Variants in MYO3A observed in about 807,000 individuals in gnomAD.
MYO3A encodes myosin-IIIa.
MYO3A carries 180 observed loss-of-function variants against 192.7 expected under a neutral mutation model. That is an observed-to-expected ratio of 0.93 (90% CI 0.83 to 1.06). MYO3A has a LOEUF of 1.06. Among genes scored for constraint, MYO3A ranks in the 50% least tolerant of loss-of-function variants. MYO3A has a pLI of 0.00. For synonymous variants in MYO3A, 628 were observed against 645.3 expected (o/e 0.97, Z 0.41); for missense variants, 1,896 against 1,905.0 (o/e 1.00, Z 0.09).
At position 26,182,244 on chromosome 10, in the gene MYO3A, A is replaced by G. The variant is rs192077130; in HGVS notation, c.4438+5399A>G. 1.2e-3 allele frequency among the ~76,000 whole-genome samples: 190 copies of G among 152,270 alleles called. 2 individuals carry two copies. The highest frequency in any genetic ancestry group is 1.0e-4 in the Non-Finnish European group (7 of 68,024). On this transcript the variant is annotated intron_variant, in intron 31 of 34. Coordinates refer to ENST00000642920, the MANE Select transcript of MYO3A (RefSeq NM_017433.5). ...TAAGAATCTGAATAATATTATTGCA[A>G]CCTGGTAGAGGACTTCCACAGCCAC...
Position 26,174,172 on chromosome 10 carries a change from A to C in MYO3A, c.3908A>C (p.Lys1303Thr). 1 of 1,614,244 alleles carries C rather than the reference A, an allele frequency of 6.2e-7. No individual in the cohort carries two copies. The highest frequency in any genetic ancestry group is 2.2e-5 in the East Asian group (1 of 44,892). ...SIYQNANSME[K>T]EKKTSVVTQR... is the part of the protein sequence containing the mutation. The stretch of plus-strand genomic sequence containing the variant: ...TATCAAAATGCAAACAGCATGGAAA[A>C]AGAAAAGAAGACATCTGTAGTTACC... Residue 1303 changes from lysine to threonine, a missense_variant, in exon 30 of 35, where the codon AAA becomes ACA. Lys to Thr is a moderately conservative substitution (Grantham distance 78, BLOSUM62 -1). Coordinates refer to ENST00000642920, the MANE Select transcript of MYO3A (RefSeq NM_017433.5).
chr10:26,159,382 C>T (rs1187920575), intron 26 of MYO3A, among the ~76,000 whole-genome samples: 1 of 135,186 alleles, frequency 7.4e-6, no homozygotes, highest in East Asian at 2.2e-4. Flanking sequence ...TTTTTTTAGA[C>T]AGAGTCTCGC....
chr10:26,181,834 A>G (rs1842631517), intron 31 of MYO3A, among the ~76,000 whole-genome samples: 1 of 152,048 alleles, frequency 6.6e-6, no homozygotes, highest in African/African-American at 2.4e-5. Context: ...CTCACTTATG[A>G]GAGCATAGCC....
chr10:26,102,867 C>T (rs1183804938), intron 17 of MYO3A, among the ~76,000 whole-genome samples: 2 of 152,232 alleles, frequency 1.3e-5, no homozygotes, highest in Non-Finnish European at 2.9e-5. Context: ...CTTGAGGAGG[C>T]AGTCTATCCA....
chr10:25,945,861 T>C, intron 2 of MYO3A, among the ~76,000 whole-genome samples: 1 of 152,192 alleles, frequency 6.6e-6, no homozygotes, highest in East Asian at 1.9e-4. Context: ...GTATATTTTG[T>C]AATGACATGT....
At chr10:26,017,019 T>TGCCACAAACAAGGATA in intron 7 of MYO3A, 123 bp downstream of exon 7, 1 of 1,098,394 alleles carries the variant, frequency 9.1e-7, no homozygotes, top group Non-Finnish European at 1.4e-6. Flanking sequence ...GTTGTGTTAT[T>TGCCACAAACAAGGATA]TTCATGTGAG....
chr10:25,952,947 A>G (rs2130560101), intron 3 of MYO3A, among the ~76,000 whole-genome samples: 1 of 151,096 alleles, frequency 6.6e-6, no homozygotes, highest in South Asian at 2.1e-4. Flanking sequence ...TGTTAAGAGC[A>G]TGAGACTACT....
At chr10:26,153,992 T>C in intron 24 of MYO3A, 63 bp downstream of exon 24, 1 of 1,161,430 alleles carries the variant, frequency 8.6e-7, no homozygotes, top group East Asian at 2.4e-5. Flanking sequence ...ATGGCAATAT[T>C]TGTATGCTTC....
chr10:25,935,027 C>G (rs1457541030), intron 1 of MYO3A, among the ~76,000 whole-genome samples: 1 of 151,986 alleles, frequency 6.6e-6, no homozygotes, highest in African/African-American at 2.4e-5. Flanking sequence ...CTGTGGCGCG[C>G]GCGGGCTTTG....
At chr10:25,959,798 C>A (rs1307097144) in intron 4 of MYO3A, among the ~76,000 whole-genome samples, 1 of 119,646 alleles carries the variant, frequency 8.4e-6, no homozygotes. Context: ...AGTCTCTTAA[C>A]CTGGGTGTGT....
At chr10:26,168,926 C>A in intron 28 of MYO3A, 52 bp downstream of exon 28, 1 of 1,537,888 alleles carries the variant, frequency 6.5e-7, no homozygotes, top group Non-Finnish European at 8.9e-7. Flanking sequence ...TCTTATAATA[C>A]TTCTTACAGG....
In MYO3A at chr10:26,066,805, A is replaced by G. The variant is rs3824704; in HGVS notation, c.954-170A>G. On this transcript the variant is annotated intron_variant, in intron 10 of 34. Transcript: ENST00000642920. The stretch of plus-strand genomic sequence containing the variant: ...CTGTAATTTGCATTTTTCCAATGGA[A>G]AGGAGTAAACAAACAGTAAAGATCA... 0.47 allele frequency among the ~76,000 whole-genome samples: 72,158 copies of G among 152,030 alleles called. 17,915 individuals are homozygous for G. The highest frequency in any genetic ancestry group is 0.59 in the Middle Eastern group (173 of 294).
chr10:26,159,143 A>C (rs891405456), intron 26 of MYO3A, among the ~76,000 whole-genome samples: 1 of 150,834 alleles, frequency 6.6e-6, no homozygotes, highest in Non-Finnish European at 1.5e-5. Flanking sequence ...GGCGCCCGCC[A>C]CCACGCCCGG....
chr10:26,140,512 C>T (rs898096970), intron 20 of MYO3A, among the ~76,000 whole-genome samples: 5 of 151,900 alleles, frequency 3.3e-5, no homozygotes, highest in East Asian at 1.9e-4. Flanking sequence ...GGTGAAACCC[C>T]GTCTCTACTA....
intron 20 of MYO3A, among the ~76,000 whole-genome samples, chr10:26,132,592 T>A (rs1474342809): frequency 2.0e-5 from 3 of 152,210 alleles, no homozygotes; most frequent in African/African-American, 7.2e-5. Flanking sequence ...CACTTATTTA[T>A]GTGTGCCTAT....
At chr10:26,140,937 T>C (rs374427027) in intron 20 of MYO3A, among the ~76,000 whole-genome samples, 27 of 152,276 alleles carry the variant, frequency 1.8e-4, no homozygotes, top group African/African-American at 6.5e-4. Context: ...TGTTTGTTTT[T>C]TGTTTTATGA....
chr10:26,157,778 T>C (rs1841232395), intron 26 of MYO3A, among the ~76,000 whole-genome samples: 1 of 152,210 alleles, frequency 6.6e-6, no homozygotes. Context: ...ATCTGGGTTC[T>C]CGCCCTAGCT....
intron 10 of MYO3A, among the ~76,000 whole-genome samples, chr10:26,063,311 C>T (rs1834624790): frequency 6.6e-6 from 1 of 152,034 alleles, no homozygotes; most frequent in Admixed American, 6.6e-5. Context: ...TAGTGAAGCC[C>T]AATTTATCAA....
chr10:26,059,913 G>A (rs1834351488), intron 10 of MYO3A, among the ~76,000 whole-genome samples: 1 of 152,174 alleles, frequency 6.6e-6, no homozygotes, highest in East Asian at 1.9e-4. Flanking sequence ...CTTGAGGTCA[G>A]GAGTTTGAGA....
Sources: gnomAD v4.1 joint callset for allele counts (sites outside exome capture counted in the v4.1 genomes callset) on GRCh38, gnomAD v4.1.1 for gene constraint, MANE v1.5 for transcripts, NCBI Gene and HGNC (gene_info 2026-07-23, HGNC 2026-07-21) for gene names.